Variants in RPP30 observed in about 807,000 individuals in gnomAD.
The protein encoded by RPP30 is ribonuclease P/MRP subunit p30, also known as ribonuclease P protein subunit p30.
Under a neutral mutation model 38.6 loss-of-function variants are expected in RPP30, and 36 were observed. The observed-to-expected ratio is 0.93, with a 90% confidence interval of 0.71 to 1.23. The LOEUF is 1.23. Ranked by LOEUF, RPP30 falls within the 50% of genes most tolerant of loss-of-function variation. The pLI is 0.00. For synonymous variants in RPP30, 126 were observed against 112.7 expected, an observed-to-expected ratio of 1.12 and a Z score of -0.75; for missense variants, 321 against 321.7, an observed-to-expected ratio of 1.00 and a Z score of 0.02.
chr10:90,884,911 G>T (rs1203375344), intron 5 of RPP30, among the ~76,000 whole-genome samples: 1 of 152,146 alleles, frequency 6.6e-6, no homozygotes, highest in African/African-American at 2.4e-5. Context: ...AGTAAGCTTT[G>T]TTTTTAATGT....
In RPP30 at chr10:90,901,437, A is replaced by T. The variant is rs78755283; in HGVS notation, c.*758A>T. 1 of 984,898 alleles carries T rather than the reference A, an allele frequency of 1.0e-6. No individual in the cohort carries two copies. The highest frequency in any genetic ancestry group is 1.2e-6 in the Non-Finnish European group (1 of 829,622). 61.0% of individuals were successfully genotyped at this position (984,898 alleles called of 1,614,324 possible). ...TGTATTCAAATCAGCATTTTTTTCT[A>T]AGAAATTGCTATAGAATTTGTGGAA... On this transcript the variant is annotated 3_prime_UTR_variant, in exon 11 of 11. Transcript: ENST00000371703.
At chr10:90,899,406 C>T (rs1439577996) in intron 10 of RPP30, among the ~76,000 whole-genome samples, 1 of 152,186 alleles carries the variant, frequency 6.6e-6, no homozygotes, top group East Asian at 1.9e-4. Context: ...ACGTTTATTA[C>T]TTGAAATAAG....
downstream of RPP30, chr10:90,905,192 A>G (rs1160639987): frequency 6.6e-6 from 1 of 151,994 alleles, no homozygotes. Context: ...TAAATACCCA[A>G]CATGACATGC....
At chr10:90,873,278 G>C (rs1846807564) in intron 1 of RPP30, among the ~76,000 whole-genome samples, 1 of 152,146 alleles carries the variant, frequency 6.6e-6, no homozygotes, top group Non-Finnish European at 1.5e-5. Flanking sequence ...ATTTCCCCCA[G>C]TTTAAAATAC....
chr10:90,895,963 A>G (rs1438024658), intron 9 of RPP30, 46 bp downstream of exon 9: 4 of 1,482,112 alleles, frequency 2.7e-6, no homozygotes, highest in Non-Finnish European at 3.7e-6. Flanking sequence ...CTTTCAGGAA[A>G]TTTTGAATTT....
chr10:90,877,268 G>A (rs1273162730), intron 4 of RPP30, among the ~76,000 whole-genome samples: 2 of 151,920 alleles, frequency 1.3e-5, no homozygotes, highest in Non-Finnish European at 2.9e-5. Context: ...GATCACACCA[G>A]TGTACTCTAG....
chr10:90,878,484 TTTC>T (rs569100476), intron 4 of RPP30, among the ~76,000 whole-genome samples: 205 of 152,186 alleles, frequency 1.3e-3, no homozygotes, highest in African/African-American at 4.6e-3. Context: ...TGATATTTTC[TTTC>T]TTCTTCTTCA....
chr10:90,902,344 A>T (rs561972470), downstream of RPP30: 94 of 386,656 alleles, frequency 2.4e-4, no homozygotes, highest in South Asian at 1.5e-3. Context: ...CAGCCTCCCA[A>T]GTAAGTGGGA....
In RPP30 at chr10:90,876,165, T is replaced by C. The variant is rs1846849553; in HGVS notation, c.270+67T>C. 1.9e-6 allele frequency: 2 copies of C among 1,029,492 alleles called. 1 individual carries two copies. The highest frequency in any genetic ancestry group is 3.0e-6 in the Non-Finnish European group (2 of 666,380). The allele number at this position is 1,029,492 out of a possible 1,614,324, so 63.8% of individuals were successfully genotyped here. Reference sequence around the variant, plus strand: ...TTGTATTGATTAATGTTGAACAATGTTGCATTTTGTCTTCCCCATTTTACA... The same window carrying C: ...TTGTATTGATTAATGTTGAACAATGCTGCATTTTGTCTTCCCCATTTTACA... On this transcript the variant is annotated intron_variant, in intron 4 of 10. Transcript: ENST00000371703.
intron 1 of RPP30, among the ~76,000 whole-genome samples, chr10:90,872,484 A>C (rs1235940276): frequency 2.6e-5 from 4 of 152,098 alleles, no homozygotes; most frequent in Non-Finnish European, 5.9e-5. Flanking sequence ...GGAGGCTCGG[A>C]GAAGGAGGAG....
At chr10:90,876,321 G>T (rs1846851824) in intron 4 of RPP30, among the ~76,000 whole-genome samples, 1 of 152,156 alleles carries the variant, frequency 6.6e-6, no homozygotes, top group Admixed American at 6.5e-5. Flanking sequence ...GAATCCCTTG[G>T]CAACTGTTAC....
At chr10:90,876,135 G>C (rs762520460) in intron 4 of RPP30, 37 bp downstream of exon 4, 1 of 1,308,022 alleles carries the variant, frequency 7.6e-7, no homozygotes. Flanking sequence ...TTTTGGCTTT[G>C]TGAGTTGTAT....
chr10:90,880,367 C>G (rs984072861), intron 5 of RPP30, among the ~76,000 whole-genome samples: 36 of 151,772 alleles, frequency 2.4e-4, no homozygotes, highest in African/African-American at 4.1e-4. Context: ...TTTATATTAA[C>G]AGAGAAACAG....
chr10:90,872,790 G>A (rs1846799494), intron 1 of RPP30, among the ~76,000 whole-genome samples: 1 of 152,216 alleles, frequency 6.6e-6, no homozygotes, highest in Non-Finnish European at 1.5e-5. Context: ...TACTGATACT[G>A]TTCAGAGGTG....
Position 90,900,887 on chromosome 10 carries a change from T to G in RPP30, c.*208T>G, listed in dbSNP as rs1185139952. On this transcript the variant is annotated 3_prime_UTR_variant, in exon 11 of 11. Transcript: ENST00000371703. ...TAAAAGGCTGCCAGCTTAATGAATT[T>G]AGATGTACTTTAAGAGAGAAAGACT... is the stretch of plus-strand genomic sequence containing the variant. The G allele has an allele frequency of 1.5e-6, 2 of 1,294,776 alleles. No individual in the cohort carries two copies. The highest frequency in any genetic ancestry group is 2.0e-6 in the Non-Finnish European group (2 of 1,023,462). 80.2% of individuals were successfully genotyped at this position (1,294,776 alleles called of 1,614,324 possible).
At chr10:90,876,936 G>T (rs1297977122) in intron 4 of RPP30, among the ~76,000 whole-genome samples, 1 of 152,146 alleles carries the variant, frequency 6.6e-6, no homozygotes, top group African/African-American at 2.4e-5. Context: ...GGTAGGTAAT[G>T]GTGTACCATT....
chr10:90,886,001 G>A, intron 6 of RPP30, 100 bp downstream of exon 6: 1 of 751,104 alleles, frequency 1.3e-6, no homozygotes, highest in Non-Finnish European at 2.1e-6. Context: ...GAAAAACAAA[G>A]GCTAGGGAAT....
At chr10:90,891,588 A>G (rs1404881523) in intron 6 of RPP30, among the ~76,000 whole-genome samples, 1 of 152,226 alleles carries the variant, frequency 6.6e-6, no homozygotes, top group Non-Finnish European at 1.5e-5. Flanking sequence ...AAAGGCTCTC[A>G]GTAGAGGTTT....
At chr10:90,893,498 T>C (rs1327981539) in intron 6 of RPP30, among the ~76,000 whole-genome samples, 1 of 152,224 alleles carries the variant, frequency 6.6e-6, no homozygotes, top group Non-Finnish European at 1.5e-5. Context: ...GATTATCATC[T>C]CTATGCTGAA....
Sources: allele counts gnomAD v4.1 joint callset (sites outside exome capture counted in the v4.1 genomes callset), GRCh38; gene constraint gnomAD v4.1.1; transcripts MANE v1.5; gene names NCBI Gene and HGNC (gene_info 2026-07-23, HGNC 2026-07-21).